The following NMNAT1 variants were observed in gnomAD, a reference collection of about 807,000 sequenced individuals.
NMNAT1 encodes nicotinamide/nicotinic acid mononucleotide adenylyltransferase 1.
NMNAT1 carries 11 observed loss-of-function variants against 16.7 expected under a neutral mutation model. The observed-to-expected ratio is 0.66, with a 90% CI of 0.41 to 1.09. NMNAT1 has a LOEUF of 1.09. Among genes scored for constraint, NMNAT1 ranks in the 50% least tolerant of loss-of-function variants. NMNAT1 has a pLI of 0.00. For synonymous variants in NMNAT1, 110 were observed against 119.8 expected, an observed-to-expected ratio of 0.92 and a Z score of 0.53; for missense variants, 280 against 332.3, an observed-to-expected ratio of 0.84 and a Z score of 1.22.
At chr1:9,947,159 TC>T (rs2101633281) in intron 1 of NMNAT1, among the ~76,000 whole-genome samples, 1 of 152,236 alleles carries the variant, frequency 6.6e-6, no homozygotes, top group African/African-American at 2.4e-5. Flanking sequence ...CTCCTGATAG[TC>T]CCCTCAAGCC....
At chr1:9,981,864 ATTC>A (rs1487534675) in intron 4 of NMNAT1, 1 of 154,498 alleles carries the variant, frequency 6.5e-6, no homozygotes, top group Non-Finnish European at 1.4e-5. Flanking sequence ...GTGAACTGTC[ATTC>A]TTTTTTTTTT....
chr1:9,950,934 C>T (rs1161983154), intron 1 of NMNAT1, among the ~76,000 whole-genome samples: 3 of 151,940 alleles, frequency 2.0e-5, no homozygotes, highest in Admixed American at 1.3e-4. Flanking sequence ...ACTAAAAATA[C>T]CAAAATTATC....
At chr1:9,959,320 T>G (rs151004106) in intron 1 of NMNAT1, among the ~76,000 whole-genome samples, 3,080 of 125,244 alleles carry the variant, frequency 0.025, 98 homozygotes, top group African/African-American at 0.089. Flanking sequence ...TGCAGTGAGC[T>G]GAGATCGTGC....
chr1:9,968,770 CAAAAAAAAA>C (rs35088826), intron 1 of NMNAT1, among the ~76,000 whole-genome samples: 1 of 79,194 alleles, frequency 1.3e-5, no homozygotes, highest in Non-Finnish European at 2.4e-5. Flanking sequence ...GACTCTGTCT[CAAAAAAAAA>C]AAAAAAAAAA....
At position 9,982,424 on chromosome 1, in the gene NMNAT1, G is replaced by C; in HGVS notation, c.563G>C (p.Arg188Pro). Reference sequence around the variant, plus strand: ...AACTATGGGCTCATATGTGTTACTCGGGCTGGAAATGATGCTCAGAAGTTT... The same window carrying C: ...AACTATGGGCTCATATGTGTTACTCCGGCTGGAAATGATGCTCAGAAGTTT... ...VANYGLICVT[R>P]AGNDAQKFIY... The change falls in exon 5 of 5, where the codon CGG (arginine) becomes CCG (proline). Residue 188 changes from arginine (R) to proline (P), a missense_variant. Arg to Pro is a moderately radical substitution (Grantham distance 103). Transcript: ENST00000377205. 6.2e-7 allele frequency: 1 copy of C among 1,614,076 alleles called. No individual in the cohort carries two copies. The highest frequency in any genetic ancestry group is 1.6e-4 in the Middle Eastern group (1 of 6,062).
intron 1 of NMNAT1, among the ~76,000 whole-genome samples, chr1:9,970,308 T>A (rs1309898662): frequency 6.6e-6 from 1 of 152,006 alleles, no homozygotes; most frequent in African/African-American, 2.4e-5. Context: ...ATGGAAGGGA[T>A]GATGAGTGGA....
intron 1 of NMNAT1, among the ~76,000 whole-genome samples, chr1:9,948,811 T>C (rs1641038112): frequency 6.6e-6 from 1 of 151,656 alleles, no homozygotes; most frequent in Non-Finnish European, 1.5e-5. Context: ...CATGCCTGGC[T>C]AATTTTTTGT....
intron 3 of NMNAT1, among the ~76,000 whole-genome samples, chr1:9,978,819 T>C (rs562999539): frequency 2.0e-5 from 3 of 152,324 alleles, no homozygotes; most frequent in Non-Finnish European, 4.4e-5. Flanking sequence ...GTGGGCACCC[T>C]GCTGCCAGCC....
intron 1 of NMNAT1, among the ~76,000 whole-genome samples, chr1:9,957,307 G>T (rs1641286370): frequency 6.6e-6 from 1 of 152,136 alleles, no homozygotes; most frequent in Non-Finnish European, 1.5e-5. Flanking sequence ...GGGATTACAG[G>T]TGTGAGCCAC....
intron 1 of NMNAT1, among the ~76,000 whole-genome samples, chr1:9,946,485 A>T (rs1191645680): frequency 6.6e-6 from 1 of 152,184 alleles, no homozygotes; most frequent in Admixed American, 6.6e-5. Flanking sequence ...CAGAGAACGC[A>T]AGTTGCTCCA....
intron 1 of NMNAT1, among the ~76,000 whole-genome samples, chr1:9,970,337 G>C (rs2101689286): frequency 6.6e-6 from 1 of 152,054 alleles, no homozygotes; most frequent in East Asian, 1.9e-4. Flanking sequence ...GATGGCTGTT[G>C]GTTTTCATTA....
chr1:9,958,108 G>A (rs1468859108), intron 1 of NMNAT1, among the ~76,000 whole-genome samples: 2 of 152,190 alleles, frequency 1.3e-5, no homozygotes, highest in Non-Finnish European at 2.9e-5. Context: ...TCAAAGAAGT[G>A]AAGTAGGTGA....
chr1:9,978,137 A>C (rs987142343), intron 3 of NMNAT1, among the ~76,000 whole-genome samples: 4 of 152,152 alleles, frequency 2.6e-5, no homozygotes, highest in Admixed American at 6.6e-5. Flanking sequence ...TGGGTGGATC[A>C]CCTGAGGTCA....
chr1:9,981,088 T>G lies in NMNAT1; in HGVS notation c.357T>G (p.Thr119=). The change falls in exon 4 of 5, where the codon ACT becomes ACG. Residue 119 remains threonine, a synonymous_variant. Coordinates refer to ENST00000377205, the MANE Select transcript of NMNAT1 (RefSeq NM_022787.4). ...GTGATCACCAGCAGAACTCACCTAC[T>G]CTAGAAAGGCCTGGAAGGAAGAGGA... The part of the protein sequence containing the change: ...SDCDHQQNSP[T]LERPGRKRKW... 1 of 1,613,850 alleles carries G rather than the reference T, an allele frequency of 6.2e-7. No homozygotes were observed. The highest frequency in any genetic ancestry group is 1.3e-5 in the African/African-American group (1 of 74,990).
intron 1 of NMNAT1, among the ~76,000 whole-genome samples, chr1:9,961,811 G>T (rs1641415201): frequency 6.6e-6 from 1 of 151,890 alleles, no homozygotes; most frequent in African/African-American, 2.4e-5. Context: ...TGCTCTTGTT[G>T]CCCAGGTTGG....
chr1:9,994,918 T>G, the NMNAT1 span, among the ~76,000 whole-genome samples: 1 of 151,984 alleles, frequency 6.6e-6, no homozygotes, highest in Non-Finnish European at 1.5e-5. Context: ...GTCCAATTTT[T>G]TGTATTTTTA....
chr1:9,969,885 C>T (rs796074632), intron 1 of NMNAT1, among the ~76,000 whole-genome samples: 6 of 152,298 alleles, frequency 3.9e-5, no homozygotes, highest in African/African-American at 1.2e-4. Context: ...CCTGCTTGCC[C>T]TGTGCTCAGC....
At chr1:9,987,556 C>T (rs1029781862), downstream of NMNAT1, among the ~76,000 whole-genome samples, 8 of 151,988 alleles carry the variant, frequency 5.3e-5, no homozygotes, top group Non-Finnish European at 1.0e-4. Flanking sequence ...AGGAGAATGG[C>T]GTGAACCCAG....
downstream of NMNAT1, among the ~76,000 whole-genome samples, chr1:9,988,550 A>G (rs1322232914): frequency 6.6e-6 from 1 of 151,706 alleles, no homozygotes; most frequent in Non-Finnish European, 1.5e-5. Context: ...AAAGTACAAA[A>G]ATATTAGCCA....
Sources: gnomAD v4.1 joint callset for allele counts (sites outside exome capture counted in the v4.1 genomes callset) on GRCh38, gnomAD v4.1.1 for gene constraint, MANE v1.5 for transcripts, NCBI Gene and HGNC (gene_info 2026-07-23, HGNC 2026-07-21) for gene names.